Variants in HSCB observed in about 807,000 individuals in gnomAD.
HSCB encodes iron-sulfur cluster co-chaperone protein HscB.
A neutral mutation model predicts 31.3 loss-of-function variants in HSCB; 23 were observed. That is an observed-to-expected ratio of 0.74 (90% CI 0.53 to 1.04). The LOEUF (loss-of-function observed/expected upper bound fraction) is 1.04. Ranked by LOEUF, HSCB falls within the 50% of genes least tolerant of loss-of-function variation. The pLI, the probability that HSCB is intolerant of heterozygous loss-of-function variation, is 0.00. For missense variants in HSCB, 297 were observed against 288.1 expected, an observed-to-expected ratio of 1.03 and a Z score of -0.22; for synonymous variants, 110 against 104.5, an observed-to-expected ratio of 1.05 and a Z score of -0.32.
At chr22:28,746,989 A>G (rs5762768) in intron 4 of HSCB, among the ~76,000 whole-genome samples, 81,695 of 151,682 alleles carry the variant, frequency 0.54, 23,062 homozygotes, top group East Asian at 0.8. Flanking sequence ...ATCTGAGCCC[A>G]GGAGGCAGAG....
At chr22:28,747,883 C>CA (rs2029939961) in intron 4 of HSCB, among the ~76,000 whole-genome samples, 1 of 149,148 alleles carries the variant, frequency 6.7e-6, no homozygotes, top group Non-Finnish European at 1.5e-5. Flanking sequence ...CTTTCCCCCC[C>CA]AAAAAAATCT....
At chr22:28,754,325 A>C (rs1223500427) in intron 5 of HSCB, among the ~76,000 whole-genome samples, 1 of 151,992 alleles carries the variant, frequency 6.6e-6, no homozygotes, top group East Asian at 1.9e-4. Flanking sequence ...GGAAGAGGAA[A>C]ATAGAGAGTT....
chr22:28,746,080 G>T, intron 4 of HSCB, 72 bp downstream of exon 4: 5 of 1,479,412 alleles, frequency 3.4e-6, no homozygotes, highest in Non-Finnish European at 1.8e-6. Flanking sequence ...AGTGAAAAAT[G>T]AACGTAGAGT....
intron 2 of HSCB, 146 bp downstream of exon 2, chr22:28,744,124 A>T: frequency 1.4e-6 from 1 of 697,092 alleles, no homozygotes; most frequent in Non-Finnish European, 2.6e-6. Flanking sequence ...TGTCAGACCC[A>T]GAGCTGCCAT....
intron 5 of HSCB, among the ~76,000 whole-genome samples, chr22:28,754,656 C>T (rs1474737134): frequency 6.6e-6 from 1 of 151,542 alleles, no homozygotes; most frequent in Non-Finnish European, 1.5e-5. Context: ...GGCAACAAAG[C>T]AAGACTCTAT....
At chr22:28,743,359 A>G (rs2054622628) in intron 1 of HSCB, among the ~76,000 whole-genome samples, 1 of 152,184 alleles carries the variant, frequency 6.6e-6, no homozygotes, top group Non-Finnish European at 1.5e-5. Context: ...CGAGGATTCT[A>G]GCTAAACTGA....
intron 1 of HSCB, among the ~76,000 whole-genome samples, chr22:28,743,606 C>T (rs1447913397): frequency 6.6e-6 from 1 of 152,184 alleles, no homozygotes; most frequent in South Asian, 2.1e-4. Flanking sequence ...GCTCCCACCT[C>T]GAGGTCCTTG....
intron 1 of HSCB, chr22:28,742,680 G>T: frequency 2.8e-6 from 1 of 362,354 alleles, no homozygotes; most frequent in South Asian, 3.7e-5. Flanking sequence ...TTGAGGAAAG[G>T]GTACTTGAGG....
At chr22:28,750,509 C>CGGACTGGGAGTCAA (rs1209828349) in intron 4 of HSCB, among the ~76,000 whole-genome samples, 3 of 152,118 alleles carry the variant, frequency 2.0e-5, no homozygotes, top group Non-Finnish European at 4.4e-5. Context: ...TTTCAAACAC[C>CGGACTGGGAGTCAA]GGACTGGGAG....
chr22:28,749,992 A>G (rs1028250116), intron 4 of HSCB, among the ~76,000 whole-genome samples: 5 of 152,080 alleles, frequency 3.3e-5, no homozygotes, highest in Non-Finnish European at 1.5e-5. Context: ...TCTTATGCCT[A>G]TAATCCCATT....
At chr22:28,756,539 G>T (rs903587634) in intron 5 of HSCB, among the ~76,000 whole-genome samples, 7 of 150,980 alleles carry the variant, frequency 4.6e-5, no homozygotes, top group African/African-American at 1.5e-4. Flanking sequence ...CACAGTCATA[G>T]CTCAGTGCAA....
intron 5 of HSCB, among the ~76,000 whole-genome samples, chr22:28,752,632 G>C (rs1300377043): frequency 6.6e-6 from 1 of 151,362 alleles, no homozygotes. Flanking sequence ...TACTCGGGAG[G>C]CTGAGGCAGG....
intron 3 of HSCB, 131 bp downstream of exon 3, chr22:28,744,835 A>C (rs5752783): frequency 0.46 from 325,990 of 709,698 alleles, 81,465 homozygotes; most frequent in East Asian, 0.8. Flanking sequence ...GTAATCCCAG[A>C]ACTTTCAGAG....
At chr22:28,748,772 C>T (rs970986906) in intron 4 of HSCB, among the ~76,000 whole-genome samples, 2 of 152,110 alleles carry the variant, frequency 1.3e-5, no homozygotes, top group Non-Finnish European at 2.9e-5. Context: ...CCATCTCAGC[C>T]TCCCAAAGTG....
rs80222768 is a variant in HSCB, at chr22:28,754,397, C to T, written c.617-2681C>T. Reference sequence around the variant, plus strand: ...AAAGAGTTCTGTGGAAGGTCAGGCACGGTGGCTCCCACCTGTAATCCCAGC... The same window carrying T: ...AAAGAGTTCTGTGGAAGGTCAGGCATGGTGGCTCCCACCTGTAATCCCAGC... On this transcript the variant is annotated intron_variant, in intron 5 of 5. Transcript: ENST00000216027. 2.3e-4 allele frequency among the ~76,000 whole-genome samples: 35 copies of T among 152,106 alleles called. No individual in the cohort carries two copies. The East Asian group carries it at 6.8e-3, about 30-fold the overall frequency.
In HSCB at chr22:28,751,926, C is replaced by T. The variant is rs140614781; in HGVS notation, c.616+638C>T. 5.3e-3 allele frequency among the ~76,000 whole-genome samples: 801 copies of T among 151,444 alleles called. 5 individuals are homozygous for T. The highest frequency in any genetic ancestry group is 6.6e-3 in the Non-Finnish European group (449 of 67,878). Reference sequence around the variant, plus strand: ...CCAACATGGTGAAACTCCAGCTCTACTAAAAATACAAAAATTAACTGAGTG... The same window carrying T: ...CCAACATGGTGAAACTCCAGCTCTATTAAAAATACAAAAATTAACTGAGTG... On this transcript the variant is annotated intron_variant, in intron 5 of 5. Coordinates refer to ENST00000216027, the MANE Select transcript of HSCB (RefSeq NM_172002.5).
chr22:28,746,610 C>T (rs2054696752), intron 4 of HSCB, among the ~76,000 whole-genome samples: 1 of 150,740 alleles, frequency 6.6e-6, no homozygotes. Context: ...AAAAATCAGC[C>T]AAGCGTAGGC....
Position 28,742,428 on chromosome 22 carries a change from G to A in HSCB, c.236+97G>A, listed in dbSNP as rs534826350. The A allele has an allele frequency of 2.6e-5, 40 of 1,520,726 alleles. No homozygotes were observed. The African/African-American group carries it at 5.4e-4, about 21-fold the overall frequency. The allele number at this position is 1,520,726 out of a possible 1,614,324, so 94.2% of individuals were successfully genotyped here. The stretch of plus-strand genomic sequence containing the variant: ...ACGGATCTGGCTGGCGGAAGAGAAG[G>A]CGGGACTGATGGGGGGGCGGAGGTC... On this transcript the variant is annotated intron_variant, in intron 1 of 5. Transcript: ENST00000216027.
intron 5 of HSCB, among the ~76,000 whole-genome samples, chr22:28,751,701 G>A (rs1427587991): frequency 1.3e-4 from 19 of 150,362 alleles, no homozygotes; most frequent in African/African-American, 3.7e-4. Flanking sequence ...AGCTGAGATC[G>A]TGCCACTGCA....
Sources: allele counts gnomAD v4.1 joint callset (sites outside exome capture counted in the v4.1 genomes callset), GRCh38; gene constraint gnomAD v4.1.1; transcripts MANE v1.5; gene names NCBI Gene and HGNC (gene_info 2026-07-23, HGNC 2026-07-21).